Variants in ODAD1 observed in about 807,000 individuals in gnomAD.
The protein encoded by ODAD1 is outer dynein arm-docking complex subunit 1.
A neutral mutation model predicts 67.2 loss-of-function variants in ODAD1; 49 were observed. That is an observed-to-expected ratio of 0.73 (90% confidence interval 0.58 to 0.92). ODAD1 has a LOEUF of 0.92. Ranked by LOEUF, ODAD1 falls within the 40% of genes least tolerant of loss-of-function variation. ODAD1 has a pLI of 0.00. For missense variants in ODAD1, 897 were observed against 953.7 expected, an observed-to-expected ratio of 0.94 and a Z score of 0.78; for synonymous variants, 345 against 393.7, an observed-to-expected ratio of 0.88 and a Z score of 1.46.
intron 5 of ODAD1, among the ~76,000 whole-genome samples, chr19:48,317,210 G>A (rs1335811958): frequency 1.3e-5 from 2 of 148,206 alleles, no homozygotes; most frequent in African/African-American, 2.5e-5. Flanking sequence ...ATTAAAAAAT[G>A]TATATATATA....
chr19:48,298,422 C>A, intron 12 of ODAD1, 82 bp from the exon 13 acceptor site: 1 of 1,427,674 alleles, frequency 7.0e-7, no homozygotes, highest in East Asian at 2.3e-5. Context: ...TCCTCACTGC[C>A]CCATTCTACA....
At chr19:48,318,260 G>A (rs2147336215) in intron 5 of ODAD1, 127 bp downstream of exon 5, 2 of 794,418 alleles carry the variant, frequency 2.5e-6, no homozygotes, top group East Asian at 5.4e-5. Flanking sequence ...CCAATGTGCT[G>A]GGATTACAGG....
chr19:48,311,963 C>T (rs751841091), intron 6 of ODAD1, 31 bp downstream of exon 6: 44 of 1,546,756 alleles, frequency 2.8e-5, no homozygotes, highest in Non-Finnish European at 3.7e-5. Context: ...CCGCACAATT[C>T]AGGTCGAGGG....
In ODAD1 at chr19:48,316,565, A is replaced by G. The variant is rs1212151137; in HGVS notation, c.360+1822T>C. 2.0e-5 allele frequency among the ~76,000 whole-genome samples: 3 copies of G among 152,184 alleles called. No individual in the cohort carries two copies. In the East Asian group the frequency reaches 5.8e-4, roughly 29 times the overall value. On this transcript the variant is annotated intron_variant, in intron 5 of 15. Transcript: ENST00000674294. ...AATATATTCTGGATACAAGTTCTCT[A>G]TCAGATACGTGCTTTGCAGATATTT...
Position 48,320,338 on chromosome 19 carries a change from G to T in ODAD1, c.31C>A (p.Arg11Ser). Residue 11 changes from arginine to serine, a missense_variant, in exon 3 of 16, where the codon CGC becomes AGC. Physicochemically the swap from Arg to Ser is moderately radical, Grantham distance 110. Coordinates refer to ENST00000674294, the MANE Select transcript of ODAD1 (RefSeq NM_001364171.2). Reference sequence around the variant, plus strand: ...AATGCCTCGCTTCCCTCCTCGGAGCGGGCGCTCCCTGCCAAGCGTCCCAAA... The same window carrying T: ...AATGCCTCGCTTCCCTCCTCGGAGCTGGCGCTCCCTGCCAAGCGTCCCAAA... MPLGRLAGSA[R>S]SEEGSEAFLE... 1 of 1,289,056 alleles carries T rather than the reference G, an allele frequency of 7.8e-7. No individual in the cohort carries two copies. The highest frequency in any genetic ancestry group is 1.0e-6 in the Non-Finnish European group (1 of 988,344). 79.9% of individuals were successfully genotyped at this position (1,289,056 alleles called of 1,614,324 possible).
At chr19:48,321,138 T>A (rs1969019724) in intron 1 of ODAD1, among the ~76,000 whole-genome samples, 2 of 152,158 alleles carry the variant, frequency 1.3e-5, no homozygotes, top group Admixed American at 1.3e-4. Context: ...CTCAGGAGGC[T>A]GGGGCAGGAG....
intron 5 of ODAD1, among the ~76,000 whole-genome samples, chr19:48,313,010 G>GTC (rs1401305548): frequency 6.6e-6 from 1 of 152,180 alleles, no homozygotes; most frequent in Non-Finnish European, 1.5e-5. Context: ...AGGACACAGA[G>GTC]TCTTGTGTTT....
intron 8 of ODAD1, 34 bp downstream of exon 8, chr19:48,306,222 G>A: frequency 6.4e-7 from 1 of 1,551,150 alleles, no homozygotes; most frequent in Non-Finnish European, 8.7e-7. Flanking sequence ...GAGTCATCTG[G>A]GTCCCGCCAT....
rs1252734898 is a variant in ODAD1, at chr19:48,318,772, C to A, written c.111G>T (p.Val37=). The A allele has an allele frequency of 6.4e-7, 1 of 1,551,446 alleles. No homozygotes were observed. The highest frequency in any genetic ancestry group is 8.7e-7 in the Non-Finnish European group (1 of 1,146,852). Residue 37 remains valine, a synonymous_variant, in exon 4 of 16, where the codon GTG becomes GTT. Coordinates refer to ENST00000674294, the MANE Select transcript of ODAD1 (RefSeq NM_001364171.2). ...ELSRLQRQCK[V]MEGERRAYSK... is the part of the protein sequence containing the mutation. ...TGTAGGCCCGCCTCTCCCCTTCCAT[C>A]ACTTTGCATTGTCGCTGCAGCCTAC...
rs1402673034 is a variant in ODAD1, at chr19:48,304,128, C to T, written c.678G>A (p.Lys226=). The T allele has an allele frequency of 1.2e-6, 2 of 1,608,350 alleles. No homozygotes were observed. Among genetic ancestry groups the T allele is most frequent in the South Asian group, 1.1e-5 (1 of 90,964 alleles). ...GCTCCCGCAGCAAGCCCATCTTGGCCTTCGCCTCCTCCCTGCGGGGGTCAG... is the reference window on the plus strand; with the variant it reads ...GCTCCCGCAGCAAGCCCATCTTGGCTTTCGCCTCCTCCCTGCGGGGGTCAG... ...TSAYAVREEA[K]AKMGLLRERA... is the part of the protein sequence containing the mutation. Residue 226 remains lysine (K), a synonymous_variant, in exon 9 of 16, where the codon AAG becomes AAA. Transcript: ENST00000674294.
intron 3 of ODAD1, chr19:48,320,011 T>TA: frequency 9.7e-7 from 1 of 1,034,120 alleles, no homozygotes; most frequent in Admixed American, 5.4e-5. Flanking sequence ...AGCCACATTC[T>TA]GTCATCTCTG....
At chr19:48,307,139 G>A (rs1040770271) in intron 7 of ODAD1, among the ~76,000 whole-genome samples, 2 of 151,234 alleles carry the variant, frequency 1.3e-5, no homozygotes, top group Non-Finnish European at 2.9e-5. Flanking sequence ...AGCCGAGATC[G>A]TGCCATTGCA....
chr19:48,304,563 G>A (rs1353442955), intron 8 of ODAD1, among the ~76,000 whole-genome samples: 1 of 151,602 alleles, frequency 6.6e-6, no homozygotes, highest in Non-Finnish European at 1.5e-5. Context: ...AGATTGCAGT[G>A]AGCTGAGATC....
Position 48,321,791 on chromosome 19 carries a change from G to C in ODAD1, c.-177C>G. 1 of 398,632 alleles carries C rather than the reference G, an allele frequency of 2.5e-6. No individual in the cohort carries two copies. The allele number at this position is 398,632 out of a possible 1,614,324, so 24.7% of individuals were successfully genotyped here. On this transcript the variant is annotated 5_prime_UTR_variant, in exon 1 of 16. Transcript: ENST00000674294. ...GCCCGAGAGGTGCCGGTCTTAAGCTGACTGTGACCACGTTAAATTAAGGAT... is the reference window on the plus strand; with the variant it reads ...GCCCGAGAGGTGCCGGTCTTAAGCTCACTGTGACCACGTTAAATTAAGGAT...
intron 8 of ODAD1, 42 bp from the exon 9 acceptor site, chr19:48,304,182 T>A: frequency 6.6e-7 from 1 of 1,524,438 alleles, no homozygotes; most frequent in Non-Finnish European, 8.8e-7. Context: ...GAGGCTGGAC[T>A]GGGGTCGGCC....
intron 12 of ODAD1, among the ~76,000 whole-genome samples, chr19:48,300,373 T>C (rs2147312077): frequency 1.3e-5 from 2 of 152,242 alleles, no homozygotes; most frequent in South Asian, 4.1e-4. Context: ...CCTCATACCA[T>C]AATGCAAATC....
intron 5 of ODAD1, among the ~76,000 whole-genome samples, chr19:48,316,504 T>TG (rs1435207467): frequency 4.6e-5 from 7 of 152,340 alleles, no homozygotes; most frequent in Middle Eastern, 6.8e-3. Context: ...ACACTTGGTA[T>TG]GGACCGTCTT....
intron 7 of ODAD1, among the ~76,000 whole-genome samples, chr19:48,309,671 A>T (rs898253867): frequency 2.6e-5 from 4 of 152,206 alleles, no homozygotes; most frequent in Non-Finnish European, 5.9e-5. Context: ...CAGAAAAGTG[A>T]CGCCGTAAAT....
At chr19:48,303,494 C>T (rs1266878998) in intron 10 of ODAD1, 156 bp downstream of exon 10, 17 of 848,228 alleles carry the variant, frequency 2.0e-5, no homozygotes, top group South Asian at 1.5e-4. Context: ...CACGGTAAGA[C>T]GCCAGTGGAC....
Sources: allele counts gnomAD v4.1 joint callset (sites outside exome capture counted in the v4.1 genomes callset), GRCh38; gene constraint gnomAD v4.1.1; transcripts MANE v1.5; gene names NCBI Gene and HGNC (gene_info 2026-07-23, HGNC 2026-07-21).